Variants in DOCK8 observed in about 807,000 individuals in gnomAD.
DOCK8 encodes dedicator of cytokinesis 8.
Under a neutral mutation model 245.6 loss-of-function variants are expected in DOCK8, and 141 were observed. The ratio of observed to expected loss-of-function variants is 0.57; its 90% CI spans 0.50 to 0.66. DOCK8 has a LOEUF of 0.66. Ranked by LOEUF, DOCK8 falls within the 30% of genes least tolerant of loss-of-function variation. DOCK8 has a pLI of 0.00. For synonymous variants in DOCK8, 1,168 were observed against 970.2 expected, an observed-to-expected ratio of 1.20 and a Z score of -3.79; for missense variants, 2,965 against 2,603.4, an observed-to-expected ratio of 1.14 and a Z score of -3.02.
At chr9:289,682 A>C in intron 4 of DOCK8, 101 bp downstream of exon 4, 6 of 1,075,524 alleles carry the variant, frequency 5.6e-6, no homozygotes, top group Non-Finnish European at 8.1e-6. Flanking sequence ...GTTTACAGAA[A>C]AATTGCATGG....
At chr9:305,063 C>G (rs796522114) in intron 5 of DOCK8, among the ~76,000 whole-genome samples, 2 of 152,122 alleles carry the variant, frequency 1.3e-5, no homozygotes, top group South Asian at 2.1e-4. Context: ...CCTGCATTCT[C>G]CTAGTGATTC....
chr9:428,162 A>T lies in DOCK8; in HGVS notation c.4339-200A>T, dbSNP rs1049741374. On this transcript the variant is annotated intron_variant, in intron 34 of 47. Transcript: ENST00000432829. The stretch of plus-strand genomic sequence containing the variant: ...AGAATTAGGTATAAATCCCAAACTC[A>T]TTGGAAGCATTGAAATAAAGCCATT... Among the ~76,000 whole-genome samples the T allele has an allele frequency of 2.0e-5, 3 of 152,224 alleles. 1 individual carries two copies. The highest frequency in any genetic ancestry group is 7.2e-5 in the African/African-American group (3 of 41,452).
chr9:290,252 T>G (rs1586611227), intron 4 of DOCK8, among the ~76,000 whole-genome samples: 1 of 152,070 alleles, frequency 6.6e-6, no homozygotes. Context: ...TCATAAACTT[T>G]CTTAAAACAT....
intron 46 of DOCK8, chr9:454,691 C>T (rs1171983734): frequency 6.6e-6 from 1 of 152,210 alleles, no homozygotes; most frequent in Non-Finnish European, 1.5e-5. Flanking sequence ...GAAAACTTGT[C>T]AGGAGAGTGA....
intron 18 of DOCK8, among the ~76,000 whole-genome samples, chr9:373,713 A>T (rs977369203): frequency 6.6e-6 from 1 of 152,160 alleles, no homozygotes; most frequent in African/African-American, 2.4e-5. Flanking sequence ...TTTTTTCCTT[A>T]AAGAGAGAAC....
intron 5 of DOCK8, among the ~76,000 whole-genome samples, chr9:305,504 C>T (rs1586653437): frequency 6.6e-6 from 1 of 152,124 alleles, no homozygotes; most frequent in South Asian, 2.1e-4. Context: ...TCAGGATGGT[C>T]CTGATCTCCT....
upstream of DOCK8, chr9:213,940 A>T (rs1031988012): frequency 6.6e-6 from 1 of 152,082 alleles, no homozygotes; most frequent in Non-Finnish European, 1.5e-5. Flanking sequence ...GTTGGCCAGG[A>T]TGGTCTCGAT....
chr9:303,924 A>G (rs2130582829), intron 4 of DOCK8, among the ~76,000 whole-genome samples: 1 of 152,350 alleles, frequency 6.6e-6, no homozygotes, highest in East Asian at 1.9e-4. Flanking sequence ...TGGGAAATAC[A>G]CATGTTGGTT....
rs1340101824 is a variant in DOCK8 at position 382,582 on chromosome 9, G to A, written c.2675G>A (p.Ser892Asn). 1.2e-6 allele frequency: 2 copies of A among 1,614,064 alleles called. No homozygotes were observed. The highest frequency in any genetic ancestry group is 1.7e-6 in the Non-Finnish European group (2 of 1,180,028). ...TYGRTSAAAVSSKLLQARVMS... is the reference protein window; with the variant it reads ...TYGRTSAAAVNSKLLQARVMS... ...GGCCGCACATCAGCTGCTGCTGTGA[G>A]TTCAAAGCTGCTGCAGGCCCGGGTG... The change falls in exon 22 of 48, where the codon AGT becomes AAT. Residue 892 changes from serine (S) to asparagine (N), a missense_variant. By Grantham distance (46) the Ser-to-Asn change is conservative (BLOSUM62 1). Transcript: ENST00000432829.
chr9:270,613 T>G (rs2022010), intron 1 of DOCK8, among the ~76,000 whole-genome samples: 14,413 of 152,260 alleles, frequency 0.095, 870 homozygotes, highest in African/African-American at 0.18. Context: ...TAGCACACGT[T>G]TTCACAGAGA....
At chr9:254,928 C>T (rs535357899) in intron 1 of DOCK8, among the ~76,000 whole-genome samples, 6 of 152,258 alleles carry the variant, frequency 3.9e-5, no homozygotes, top group African/African-American at 9.6e-5. Flanking sequence ...AGGAGGGTGG[C>T]GCTCAGAAAT....
chr9:323,710 C>T (rs938093152), intron 7 of DOCK8, among the ~76,000 whole-genome samples: 11 of 152,160 alleles, frequency 7.2e-5, no homozygotes, highest in African/African-American at 2.4e-4. Flanking sequence ...CTACTTTCTG[C>T]CTCTATGAAT....
intron 19 of DOCK8, 144 bp from the exon 20 acceptor site, chr9:376,833 C>A: frequency 1.3e-6 from 1 of 760,504 alleles, no homozygotes; most frequent in Non-Finnish European, 2.3e-6. Flanking sequence ...TAGCCTCGGT[C>A]TGAAACATCA....
chr9:236,035 A>T (rs746033225), intron 1 of DOCK8, among the ~76,000 whole-genome samples: 1 of 152,162 alleles, frequency 6.6e-6, no homozygotes, highest in Non-Finnish European at 1.5e-5. Flanking sequence ...CTATTCGGCC[A>T]TCTTGGCTCC....
At chr9:293,420 T>C (rs990013623) in intron 4 of DOCK8, among the ~76,000 whole-genome samples, 3 of 152,198 alleles carry the variant, frequency 2.0e-5, no homozygotes, top group Non-Finnish European at 4.4e-5. Flanking sequence ...GTGAGTTGTA[T>C]CTGTATTGTT....
At chr9:212,121 G>C (rs2046628406), upstream of DOCK8, among the ~76,000 whole-genome samples, 1 of 152,044 alleles carries the variant, frequency 6.6e-6, no homozygotes, top group Admixed American at 6.6e-5. Context: ...AGGTATGTGT[G>C]GGGGGGTTAA....
intron 4 of DOCK8, among the ~76,000 whole-genome samples, chr9:300,726 A>G (rs1356848592): frequency 6.6e-6 from 1 of 152,194 alleles, no homozygotes; most frequent in East Asian, 1.9e-4. Context: ...ACCCCTATGC[A>G]CACAAACTAG....
chr9:372,089 A>T, intron 17 of DOCK8, 96 bp from the exon 18 acceptor site: 1 of 1,068,006 alleles, frequency 9.4e-7, no homozygotes, highest in Non-Finnish European at 1.4e-6. Context: ...ATATCTACTC[A>T]CTGTTTAGTT....
intron 19 of DOCK8, 52 bp from the exon 20 acceptor site, chr9:376,925 G>C: frequency 6.7e-7 from 1 of 1,499,230 alleles, no homozygotes; most frequent in African/African-American, 1.4e-5. Flanking sequence ...TGAATCCACT[G>C]GTGAACATTG....
Sources: allele counts gnomAD v4.1 joint callset (sites outside exome capture counted in the v4.1 genomes callset), GRCh38; gene constraint gnomAD v4.1.1; transcripts MANE v1.5; gene names NCBI Gene and HGNC (gene_info 2026-07-23, HGNC 2026-07-21).